The following C1QL3 variants were observed in gnomAD, a reference collection of about 807,000 sequenced individuals.
The protein encoded by C1QL3 is complement C1q like 3, also known as complement C1q-like protein 3.
A neutral mutation model predicts 16.6 loss-of-function variants in C1QL3; 4 were observed. That is an observed-to-expected ratio of 0.24 (90% CI 0.12 to 0.55). C1QL3 has a LOEUF of 0.55. Among genes scored for constraint, C1QL3 ranks in the 20% least tolerant of loss-of-function variants. The pLI is 0.94. For synonymous variants in C1QL3, 189 were observed against 160.2 expected (o/e 1.18, Z -1.36); for missense variants, 269 against 365.6 (o/e 0.74, Z 2.16).
Position 16,520,538 on chromosome 10 carries a change from G to T in C1QL3, c.528C>A (p.His176Gln). ...SIPGIYFFTY[H>Q]VLMRGGDGTS... ...TGCCGTCCCCTCCGCGCATCAGGAC[G>T]TGGTAGGTGAAGAAGTAGATGCCCG... The change falls in exon 1 of 2, where the codon CAC becomes CAA. Residue 176 changes from histidine to glutamine, a missense_variant. Physicochemically the swap from His to Gln is conservative, Grantham distance 24. This residue lies in a region of C1QL3 where 246 missense variants were observed against 297.2 expected (regional missense o/e 0.83). Transcript: ENST00000298943. The surrounding 1 kb of genome is among the most constrained non-coding windows in gnomAD (Gnocchi z 8.3). The T allele has an allele frequency of 6.2e-7, 1 of 1,611,514 alleles. No homozygotes were observed. The highest frequency in any genetic ancestry group is 8.5e-7 in the Non-Finnish European group (1 of 1,178,680).
In C1QL3 at chr10:16,520,340, C is replaced by A; in HGVS notation, c.588+138G>T. 1.5e-6 allele frequency: 1 copy of A among 659,436 alleles called. No homozygotes were observed. The highest frequency in any genetic ancestry group is 3.1e-5 in the Admixed American group (1 of 32,702). The allele number at this position is 659,436 out of a possible 1,614,324, so 40.8% of individuals were successfully genotyped here. A position where few individuals can be genotyped will look rare whatever the true frequency, so the allele number is the denominator to read the frequency against. On this transcript the variant is annotated intron_variant, in intron 1 of 1. Coordinates refer to ENST00000298943, the MANE Select transcript of C1QL3 (RefSeq NM_001010908.2). This position sits in a 1 kb window ranked among gnomAD's most constrained non-coding sequence, Gnocchi z 8.3. ...CTCTCCAGGGTGGGACGGCGTCCCC[C>A]CTTGCCGTCGCTCCAGGGAGCCCGG...
intron 1 of C1QL3, among the ~76,000 whole-genome samples, chr10:16,519,139 A>ATTTTTTTTTTTTTTT (rs1385047282): frequency 3.8e-5 from 1 of 26,136 alleles, no homozygotes; most frequent in African/African-American, 3.2e-4. Context: ...CGCATTTAGG[A>ATTTTTTTTTTTTTTT]CTTTTTTTTT....
At chr10:16,516,171 G>A (rs773972453) in intron 1 of C1QL3, among the ~76,000 whole-genome samples, 16 of 152,116 alleles carry the variant, frequency 1.1e-4, no homozygotes, top group Non-Finnish European at 1.9e-4. Flanking sequence ...ATTGCTTAAC[G>A]CTGTACTAAC....
rs1332845638 is a variant in C1QL3, at chr10:16,520,230, A to T, written c.588+248T>A. Among the ~76,000 whole-genome samples the T allele has an allele frequency of 1.3e-5, 2 of 151,890 alleles. No homozygotes were observed. The highest frequency in any genetic ancestry group is 2.9e-5 in the Non-Finnish European group (2 of 67,956). On this transcript the variant is annotated intron_variant, in intron 1 of 1. Coordinates refer to ENST00000298943, the MANE Select transcript of C1QL3 (RefSeq NM_001010908.2). The surrounding 1 kb of genome is among the most constrained non-coding windows in gnomAD (Gnocchi z 8.3). ...CCCGCCCCTCGAGGGTCGCGCTCGC[A>T]GGGGCGCGCACCGATCGAGGGTCCC...
chr10:16,516,671 A>G (rs985001407), intron 1 of C1QL3, among the ~76,000 whole-genome samples: 1 of 152,202 alleles, frequency 6.6e-6, no homozygotes, highest in Admixed American at 6.5e-5. Context: ...CTTGATTTAG[A>G]CACAATAATC....
At chr10:16,518,005 G>A (rs1836980624) in intron 1 of C1QL3, among the ~76,000 whole-genome samples, 1 of 152,100 alleles carries the variant, frequency 6.6e-6, no homozygotes, top group South Asian at 2.1e-4. Flanking sequence ...TGCATTTTTA[G>A]TTTAATTTTT....
rs1054180354 is a variant in C1QL3, at chr10:16,520,175, G to A, written c.588+303C>T. Among the ~76,000 whole-genome samples, 1 of 152,244 alleles carries A rather than the reference G, an allele frequency of 6.6e-6. No individual in the cohort carries two copies. Among genetic ancestry groups the A allele is most frequent in the South Asian group, 2.1e-4 (1 of 4,824 alleles). ...CCCGCGCCGGGACTCCCCAGCGCAC[G>A]AGCTGTCCCCGGGACCCAGCTCCCG... On this transcript the variant is annotated intron_variant, in intron 1 of 1. Coordinates refer to ENST00000298943, the MANE Select transcript of C1QL3 (RefSeq NM_001010908.2). The surrounding 1 kb of genome is among the most constrained non-coding windows in gnomAD (Gnocchi z 8.3).
At position 16,521,574 on chromosome 10, in the gene C1QL3, C is replaced by G. The variant is rs1382585900; in HGVS notation, c.-509G>C. On this transcript the variant is annotated 5_prime_UTR_variant, in exon 1 of 2. Transcript: ENST00000298943. ...CTGAAGTTGCCTTTTTCTGCCTCCTCCTCCTCTTCTTTCGCTCGCTCAGTT... is the reference window on the plus strand; with the variant it reads ...CTGAAGTTGCCTTTTTCTGCCTCCTGCTCCTCTTCTTTCGCTCGCTCAGTT... The G allele has an allele frequency of 6.5e-6, 1 of 153,022 alleles. No individual in the cohort carries two copies. Among genetic ancestry groups the G allele is most frequent in the Non-Finnish European group, 1.5e-5 (1 of 68,444 alleles). 9.5% of individuals were successfully genotyped at this position (153,022 alleles called of 1,614,324 possible).
In C1QL3 at chr10:16,520,908, T is replaced by G; in HGVS notation, c.158A>C (p.Gln53Pro). ...GCCCTGGATGAAGGTGGGCAGGGAC[T>G]GCATGAGGCCGCGGTCGGGCGTGGC... is the stretch of plus-strand genomic sequence containing the variant. The part of the protein sequence containing the change: ...TAATPDRGLM[Q>P]SLPTFIQGPK... Residue 53 changes from glutamine to proline, a missense_variant, in exon 1 of 2, where the codon CAG becomes CCG. Gln to Pro is a moderately conservative substitution (Grantham distance 76). Transcript: ENST00000298943. The surrounding 1 kb of genome is among the most constrained non-coding windows in gnomAD (Gnocchi z 8.3). 6.4e-7 allele frequency: 1 copy of G among 1,555,518 alleles called. No homozygotes were observed. The highest frequency in any genetic ancestry group is 8.6e-7 in the Non-Finnish European group (1 of 1,159,158).
At position 16,519,140 on chromosome 10, in the gene C1QL3, C is replaced by CTTTTTTTTTTTTTTTTTTTTTTT. The variant is rs567187339; in HGVS notation, c.588+1337_588+1338insAAAAAAAAAAAAAAAAAAAAAAA. On this transcript the variant is annotated intron_variant, in intron 1 of 1. Coordinates refer to ENST00000298943, the MANE Select transcript of C1QL3 (RefSeq NM_001010908.2). ...TTTTTTCTCTCTTACGCATTTAGGACTTTTTTTTTTTTTTTTTTGGTCTTT... is the reference window on the plus strand; with the variant it reads ...TTTTTTCTCTCTTACGCATTTAGGACTTTTTTTTTTTTTTTTTTTTTTTTTTTTTTTTTTTTTTTTTGGTCTTT... Among the ~76,000 whole-genome samples, 69 of 39,420 alleles carry CTTTTTTTTTTTTTTTTTTTTTTT rather than the reference C, an allele frequency of 1.8e-3. 8 individuals carry two copies. Among genetic ancestry groups the CTTTTTTTTTTTTTTTTTTTTTTT allele is most frequent in the East Asian group, 5.1e-3 (6 of 1,170 alleles). 25.9% of individuals were successfully genotyped at this position (39,420 alleles called of 152,430 possible).
Position 16,519,887 on chromosome 10 carries a change from GA to G in C1QL3, c.588+590del, listed in dbSNP as rs1461056539. 2.6e-5 allele frequency among the ~76,000 whole-genome samples: 4 copies of G among 152,304 alleles called. No homozygotes were observed. The East Asian group carries it at 5.8e-4, about 22-fold the overall frequency. ...AAGACGAAACTGGAGTTTGCGCCTT[GA>G]AATTGACTATATGTGAGTTTCACGG... On this transcript the variant is annotated intron_variant, in intron 1 of 1. Coordinates refer to ENST00000298943, the MANE Select transcript of C1QL3 (RefSeq NM_001010908.2).
rs1330303261 is a variant in C1QL3, at chr10:16,520,060, C to T, written c.588+418G>A. On this transcript the variant is annotated intron_variant, in intron 1 of 1. Transcript: ENST00000298943. The surrounding 1 kb of genome is among the most constrained non-coding windows in gnomAD (Gnocchi z 8.3). ...CCCCCGAGTCGGTCACCCTGCCACG[C>T]CCATTCCGGACTCCCCCAGGCCTCT... Among the ~76,000 whole-genome samples, 1 of 152,064 alleles carries T rather than the reference C, an allele frequency of 6.6e-6. No homozygotes were observed. The highest frequency in any genetic ancestry group is 2.4e-5 in the African/African-American group (1 of 41,402).
intron 1 of C1QL3, among the ~76,000 whole-genome samples, chr10:16,517,817 C>T (rs997128505): frequency 1.3e-5 from 2 of 152,120 alleles, no homozygotes; most frequent in Non-Finnish European, 2.9e-5. Context: ...CTGATGTTCT[C>T]GTAATTTCAT....
chr10:16,519,140 C>CTTTTTTTTTTTATTTTTT, intron 1 of C1QL3, among the ~76,000 whole-genome samples: 1 of 39,476 alleles, frequency 2.5e-5, no homozygotes, highest in Non-Finnish European at 4.4e-5. Flanking sequence ...GCATTTAGGA[C>CTTTTTTTTTTTATTTTTT]TTTTTTTTTT....
At chr10:16,519,418 G>C (rs1019652298) in intron 1 of C1QL3, among the ~76,000 whole-genome samples, 4 of 151,908 alleles carry the variant, frequency 2.6e-5, no homozygotes, top group African/African-American at 9.7e-5. Flanking sequence ...CACACCGCAG[G>C]CTGCAGGCTG....
chr10:16,517,025 T>C (rs1052572211), intron 1 of C1QL3, among the ~76,000 whole-genome samples: 12 of 152,228 alleles, frequency 7.9e-5, no homozygotes, highest in African/African-American at 2.9e-4. Flanking sequence ...TTTCAAGCTC[T>C]AGTATTCAGC....
chr10:16,521,193 C>G lies in C1QL3; in HGVS notation c.-128G>C. The G allele has an allele frequency of 1.2e-6, 1 of 828,896 alleles. No homozygotes were observed. Among genetic ancestry groups the G allele is most frequent in the Non-Finnish European group, 1.9e-6 (1 of 540,254 alleles). 51.3% of individuals were successfully genotyped at this position (828,896 alleles called of 1,614,324 possible). On this transcript the variant is annotated 5_prime_UTR_variant, in exon 1 of 2. Transcript: ENST00000298943. ...GGTTGGGCGGGGACCTCTTCAGAGC[C>G]GAAAACAACCCCCTGCGAACCCCAA... is the stretch of plus-strand genomic sequence containing the variant.
At chr10:16,518,078 T>C (rs538289246) in intron 1 of C1QL3, among the ~76,000 whole-genome samples, 14 of 152,328 alleles carry the variant, frequency 9.2e-5, no homozygotes, top group Non-Finnish European at 7.3e-5. Flanking sequence ...TGAGTTTCTG[T>C]TTTATGAAAA....
rs567187339 is a variant in C1QL3, at chr10:16,519,140, CTTTT to C, written c.588+1334_588+1337del. Among the ~76,000 whole-genome samples, 35 of 39,476 alleles carry C rather than the reference CTTTT, an allele frequency of 8.9e-4. 5 individuals are homozygous for C. Among genetic ancestry groups the C allele is most frequent in the African/African-American group, 2.5e-3 (16 of 6,472 alleles). The allele number at this position is 39,476 out of a possible 152,430, so 25.9% of individuals were successfully genotyped here. A position where few individuals can be genotyped will look rare whatever the true frequency, so the allele number is the denominator to read the frequency against. On this transcript the variant is annotated intron_variant, in intron 1 of 1. Transcript: ENST00000298943. ...TTTTTTCTCTCTTACGCATTTAGGA[CTTTT>C]TTTTTTTTTTTTTTGGTCTTTCACT...
Sources: gnomAD v4.1 joint callset for allele counts (sites outside exome capture counted in the v4.1 genomes callset) on GRCh38, gnomAD v4.1.1 for gene constraint, gnomAD v4.1.1 regional missense constraint, Gnocchi (gnomAD v3.1) non-coding constraint, MANE v1.5 for transcripts, NCBI Gene and HGNC (gene_info 2026-07-23, HGNC 2026-07-21) for gene names.